CERS3: variants seen among roughly 807,000 people sequenced by gnomAD.
CERS3 encodes ceramide synthase 3, also known as LAG1 homolog, ceramide synthase 3.
Under a neutral mutation model 50.3 loss-of-function variants are expected in CERS3, and 33 were observed. That is an observed-to-expected ratio of 0.66 (90% CI 0.50 to 0.88). The LOEUF (loss-of-function observed/expected upper bound fraction) is 0.88, where lower values mean the gene tolerates loss of function less well. Among genes scored for constraint, CERS3 ranks in the 40% least tolerant of loss-of-function variants. CERS3 has a pLI of 0.00. For missense variants in CERS3, 470 were observed against 460.3 expected (o/e 1.02, Z -0.19); for synonymous variants, 176 against 155.2 (o/e 1.13, Z -0.99).
intron 3 of CERS3, among the ~76,000 whole-genome samples, chr15:100,491,857 T>C (rs994561662): frequency 4.0e-5 from 6 of 151,346 alleles, no homozygotes; most frequent in African/African-American, 1.5e-4. Flanking sequence ...TTTACATGTA[T>C]TTGTTAATTT....
At position 100,526,173 on chromosome 15, in the gene CERS3, C is replaced by A. The variant is rs527662629; in HGVS notation, c.-92+2640G>T. Among the ~76,000 whole-genome samples the A allele has an allele frequency of 5.3e-5, 8 of 152,310 alleles. No homozygotes were observed. In the East Asian group the frequency reaches 1.4e-3, roughly 26 times the overall value. On this transcript the variant is annotated intron_variant, in intron 1 of 11. Coordinates refer to ENST00000679737, the MANE Select transcript of CERS3 (RefSeq NM_001378789.1). The stretch of plus-strand genomic sequence containing the variant: ...CCTACTTGATGAACTTGACTGCAGG[C>A]TTTTTGCCAAAACATAAGTCAATCG...
At chr15:100,468,026 AT>A (rs2142232849) in intron 10 of CERS3, among the ~76,000 whole-genome samples, 1 of 151,982 alleles carries the variant, frequency 6.6e-6, no homozygotes, top group South Asian at 2.1e-4. Flanking sequence ...ATGCCCAGCC[AT>A]TACTAAAATT....
At position 100,511,009 on chromosome 15, in the gene CERS3, C is replaced by T. The variant is rs1007211328; in HGVS notation, c.-1-9159G>A. Among the ~76,000 whole-genome samples the T allele has an allele frequency of 3.9e-5, 6 of 152,148 alleles. No homozygotes were observed. In the East Asian group the frequency reaches 7.7e-4, roughly 20 times the overall value. On this transcript the variant is annotated intron_variant, in intron 2 of 11. Transcript: ENST00000679737. ...GCTCATCAAAAGATACCATTAAGGT[C>T]GGGCACGGTAACTCACGCCTCTAAT...
At chr15:100,496,174 G>A (rs2035808180) in intron 3 of CERS3, among the ~76,000 whole-genome samples, 1 of 152,134 alleles carries the variant, frequency 6.6e-6, no homozygotes, top group African/African-American at 2.4e-5. Context: ...AAGAGCAAAT[G>A]TTTTAGCTCT....
Position 100,543,060 on chromosome 15 carries a change from C to CCCA in CERS3, c.-355+1588_-355+1590dup, listed in dbSNP as rs1457773194. The stretch of plus-strand genomic sequence containing the variant: ...TCCTGAGTAGCTGGGATTATAGGTG[C>CCCA]CCACCACCACACCTGGCTAGTTTGT... On this transcript the variant is annotated intron_variant, in intron 1 of 12. Transcript: ENST00000284382. Among the ~76,000 whole-genome samples the CCCA allele has an allele frequency of 5.3e-5, 8 of 152,104 alleles. No homozygotes were observed. The East Asian group carries it at 1.6e-3, about 29-fold the overall frequency.
intron 11 of CERS3, among the ~76,000 whole-genome samples, chr15:100,441,180 C>T (rs1371211780): frequency 2.0e-5 from 3 of 151,976 alleles, no homozygotes; most frequent in East Asian, 1.9e-4. Flanking sequence ...TATTTCTGCA[C>T]CCCGACCTCT....
chr15:100,442,885 A>G (rs533933647), intron 11 of CERS3, among the ~76,000 whole-genome samples: 1 of 151,948 alleles, frequency 6.6e-6, no homozygotes, highest in South Asian at 2.1e-4. Flanking sequence ...CCCACTCCAC[A>G]TTACCTTCTT....
chr15:100,434,997 C>T (rs1228164380), intron 11 of CERS3, among the ~76,000 whole-genome samples: 2 of 152,170 alleles, frequency 1.3e-5, no homozygotes, highest in Non-Finnish European at 2.9e-5. Flanking sequence ...AAGACATGGT[C>T]TGTGGTTCTG....
chr15:100,479,406 G>C (rs779876993), intron 7 of CERS3, 22 bp downstream of exon 7: 2 of 1,563,992 alleles, frequency 1.3e-6, no homozygotes. Flanking sequence ...GTAAGGGGAG[G>C]AATATGTTAT....
intron 1 of CERS3, among the ~76,000 whole-genome samples, chr15:100,534,989 C>T (rs189866408): frequency 1.3e-5 from 2 of 152,094 alleles, no homozygotes; most frequent in Non-Finnish European, 1.5e-5. Context: ...CCTTTCCAGA[C>T]TGAACCAATG....
Position 100,469,431 on chromosome 15 carries a change from A to G in CERS3, c.792T>C (p.Phe264=), listed in dbSNP as rs1306726181. 1 of 1,614,130 alleles carries G rather than the reference A, an allele frequency of 6.2e-7. No homozygotes were observed. The highest frequency in any genetic ancestry group is 1.1e-5 in the South Asian group (1 of 91,084). The change falls in exon 10 of 12, where the codon TTT becomes TTC. Residue 264 remains phenylalanine, a synonymous_variant. Transcript: ENST00000679737. ...AGWTQTCNTL[F]FIFSTIFFIS... is the part of the protein sequence containing the mutation. ...TGAAAAATATGGTGGAGAAGATGAA[A>G]AACAGGGTGTTACAGGTCTGCGTCC...
chr15:100,530,898 C>A (rs926853449), upstream of CERS3, among the ~76,000 whole-genome samples: 3 of 152,048 alleles, frequency 2.0e-5, no homozygotes, highest in African/African-American at 7.3e-5. Context: ...GCCTGGCCAA[C>A]ATGGTGAAAC....
intron 11 of CERS3, among the ~76,000 whole-genome samples, chr15:100,436,741 G>A (rs574884709): frequency 2.0e-5 from 3 of 152,020 alleles, no homozygotes; most frequent in East Asian, 3.9e-4. Flanking sequence ...CCAGCTATAG[G>A]GGATTCTAAA....
At chr15:100,418,726 A>G (rs1445420087) in intron 11 of CERS3, among the ~76,000 whole-genome samples, 20 of 134,410 alleles carry the variant, frequency 1.5e-4, no homozygotes, top group East Asian at 4.3e-4. Context: ...GACTAACAGC[A>G]GATCTCTCGG....
intron 10 of CERS3, among the ~76,000 whole-genome samples, chr15:100,465,615 A>G (rs1299728907): frequency 1.3e-5 from 2 of 152,086 alleles, no homozygotes; most frequent in Non-Finnish European, 2.9e-5. Context: ...CAACGTCAAT[A>G]CAGAAATATT....
At chr15:100,513,020 T>G (rs2036390690) in intron 2 of CERS3, among the ~76,000 whole-genome samples, 1 of 152,220 alleles carries the variant, frequency 6.6e-6, no homozygotes, top group Non-Finnish European at 1.5e-5. Flanking sequence ...TGGGATATTT[T>G]CCTAGCAAAA....
intron 9 of CERS3, among the ~76,000 whole-genome samples, chr15:100,471,282 T>A (rs2654578): frequency 0.24 from 36,237 of 152,014 alleles, 4,590 homozygotes; most frequent in East Asian, 0.37. Context: ...CAGGTAATAA[T>A]GAGCTAAACT....
chr15:100,400,865 C>T lies in CERS3; in HGVS notation c.*1848G>A, dbSNP rs559295475. 4 of 152,078 alleles carry T rather than the reference C, an allele frequency of 2.6e-5. No individual in the cohort carries two copies. The East Asian group carries it at 7.7e-4, about 29-fold the overall frequency. 9.4% of individuals were successfully genotyped at this position (152,078 alleles called of 1,614,324 possible). On this transcript the variant is annotated 3_prime_UTR_variant, in exon 12 of 12. Transcript: ENST00000679737. Reference sequence around the variant, plus strand: ...CAATAGCTATACCCTAAAGTGGGTGCAGGCATTTTGATTTATAATATCATA... The same window carrying T: ...CAATAGCTATACCCTAAAGTGGGTGTAGGCATTTTGATTTATAATATCATA...
chr15:100,526,351 C>T (rs980815178), intron 1 of CERS3, among the ~76,000 whole-genome samples: 1 of 152,304 alleles, frequency 6.6e-6, no homozygotes, highest in Middle Eastern at 3.4e-3. Context: ...TGCCACGATA[C>T]ACTCCGTGCT....
Sources: gnomAD v4.1 joint callset for allele counts (sites outside exome capture counted in the v4.1 genomes callset) on GRCh38, gnomAD v4.1.1 for gene constraint, MANE v1.5 for transcripts, NCBI Gene and HGNC (gene_info 2026-07-23, HGNC 2026-07-21) for gene names.